Variants in PLXNB2 observed in about 807,000 individuals in gnomAD.
PLXNB2 encodes plexin-B2.
A neutral mutation model predicts 202.6 loss-of-function variants in PLXNB2; 85 were observed. The observed-to-expected ratio is 0.42, with a 90% CI of 0.35 to 0.50. The LOEUF is 0.50. Among genes scored for constraint, PLXNB2 ranks in the 20% least tolerant of loss-of-function variants. PLXNB2 has a pLI of 0.02. For synonymous variants in PLXNB2, 1,239 were observed against 1,137.6 expected (o/e 1.09, Z -1.79); for missense variants, 2,063 against 2,586.2 (o/e 0.80, Z 4.39).
At position 50,288,527 on chromosome 22, in the gene PLXNB2, A is replaced by G. The variant is rs1003919220; in HGVS notation, c.1380+216T>C. ...ACATGGTTGAGACCACAAAGGACAA[A>G]CAGAAGGAGCGGCAGAGACGGGGCA... On this transcript the variant is annotated intron_variant, in intron 5 of 36. Transcript: ENST00000359337. This position sits in a 1 kb window ranked among gnomAD's most constrained non-coding sequence, Gnocchi z 5.0. Among the ~76,000 whole-genome samples, 2 of 151,966 alleles carry G rather than the reference A, an allele frequency of 1.3e-5. No individual in the cohort carries two copies. Among genetic ancestry groups the G allele is most frequent in the African/African-American group, 4.8e-5 (2 of 41,378 alleles).
At position 50,283,287 on chromosome 22, in the gene PLXNB2, C is replaced by CTCCTCCCGG. The variant is rs768448890; in HGVS notation, c.2679+41_2679+49dup. On this transcript the variant is annotated intron_variant, in intron 16 of 36. Transcript: ENST00000359337. ...CGTGGGGAGGCGGCGGGCAGAGCCC[C>CTCCTCCCGG]TCCTCCCGGTCCTCCCGGGTTCGGC... is the stretch of plus-strand genomic sequence containing the variant. 17 of 1,607,850 alleles carry CTCCTCCCGG rather than the reference C, an allele frequency of 1.1e-5. No individual in the cohort carries two copies. The Admixed American group carries it at 2.7e-4, about 25-fold the overall frequency.
intron 7 of PLXNB2, 130 bp from the exon 8 acceptor site, chr22:50,287,394 CCAATA>C: frequency 1.9e-6 from 2 of 1,044,246 alleles, no homozygotes. Context: ...TCCACGTCTT[CCAATA>C]CAGGCCTCTC....
rs1022788349 is a variant in PLXNB2 at position 50,276,095 on chromosome 22, G to A, written c.5338-132C>T. On this transcript the variant is annotated intron_variant, in intron 35 of 36. Coordinates refer to ENST00000359337, the MANE Select transcript of PLXNB2 (RefSeq NM_012401.4). ...GGGGCCTTGGGCACAGCTGGCACTT[G>A]GGGCCCCCCATGTGGCACAGCCTCA... The A allele has an allele frequency of 9.0e-6, 7 of 777,118 alleles. No homozygotes were observed. The African/African-American group carries it at 1.2e-4, about 13-fold the overall frequency. 48.1% of individuals were successfully genotyped at this position (777,118 alleles called of 1,614,324 possible).
At position 50,278,865 on chromosome 22, in the gene PLXNB2, G is replaced by C. The variant is rs770930229; in HGVS notation, c.4536C>G (p.Ser1512Arg). Reference protein sequence around the residue: ...QPCSCWPRPDSVVLEWRPGST... With the variant: ...QPCSCWPRPDRVVLEWRPGST... ...GGGGCCGGCACTCACCCAGGACCACGCTGTCTGGCCTGGGCCAGCAGGAGC... is the reference window on the plus strand; with the variant it reads ...GGGGCCGGCACTCACCCAGGACCACCCTGTCTGGCCTGGGCCAGCAGGAGC... Residue 1512 changes from serine (S) to arginine (R), a missense_variant, in exon 28 of 37, where the codon AGC becomes AGG. This residue lies in a region of PLXNB2 where 760 missense variants were observed against 1,109.4 expected (regional missense o/e 0.69). Transcript: ENST00000359337. The C allele has an allele frequency of 6.2e-7, 1 of 1,611,412 alleles. No individual in the cohort carries two copies. The highest frequency in any genetic ancestry group is 8.5e-7 in the Non-Finnish European group (1 of 1,178,650).
At chr22:50,304,969 G>A (rs994126960) in intron 1 of PLXNB2, among the ~76,000 whole-genome samples, 3 of 152,182 alleles carry the variant, frequency 2.0e-5, no homozygotes, top group South Asian at 2.1e-4. Flanking sequence ...CAAGGAGGGC[G>A]GCCAGGCTGC....
In PLXNB2 at chr22:50,282,275, C is replaced by T. The variant is rs2066050764; in HGVS notation, c.3026G>A (p.Ser1009Asn). ...CACCATGGCAAACCTCTGGATCAGG[C>T]TGAAGCCCTGACCCGTGACGTTGAT... Reference protein sequence around the residue: ...RSINVTGQGFSLIQRFAMVVI... With the variant: ...RSINVTGQGFNLIQRFAMVVI... Residue 1009 changes from serine (S) to asparagine (N), a missense_variant, in exon 19 of 37, where the codon AGC (serine) becomes AAC (asparagine). Physicochemically the swap from Ser to Asn is conservative, Grantham distance 46. This residue lies in a region of PLXNB2 where 1,303 missense variants were observed against 1,476.8 expected (regional missense o/e 0.88). Transcript: ENST00000359337. 1 of 1,612,192 alleles carries T rather than the reference C, an allele frequency of 6.2e-7. No homozygotes were observed. The highest frequency in any genetic ancestry group is 1.1e-5 in the South Asian group (1 of 91,058).
Position 50,284,121 on chromosome 22 carries a change from G to T in PLXNB2, c.2263+11C>A. The T allele has an allele frequency of 1.2e-6, 1 of 822,654 alleles. No homozygotes were observed. Among genetic ancestry groups the T allele is most frequent in the Admixed American group, 2.2e-5 (1 of 46,218 alleles). The allele number at this position is 822,654 out of a possible 1,614,324, so 51.0% of individuals were successfully genotyped here. A position where few individuals can be genotyped will look rare whatever the true frequency, so the allele number is the denominator to read the frequency against. ...CCCCTGCCCGCCCCCCACTGCGCCC[G>T]TGGCCCCCACCATGGAGCTTGCTGT... On this transcript the variant is annotated intron_variant, in intron 13 of 36. Transcript: ENST00000359337. The surrounding 1 kb of genome is among the most constrained non-coding windows in gnomAD (Gnocchi z 8.0).
chr22:50,296,213 C>T (rs2067252760), intron 1 of PLXNB2, among the ~76,000 whole-genome samples: 1 of 148,390 alleles, frequency 6.7e-6, no homozygotes, highest in African/African-American at 2.6e-5. Context: ...CACACACACA[C>T]ACACACACAC....
Position 50,290,602 on chromosome 22 carries a change from G to T in PLXNB2, c.-13-5C>A. On this transcript the variant is annotated splice_polypyrimidine_tract_variant and splice_region_variant and intron_variant, in intron 2 of 36. Transcript: ENST00000359337. ...AGTGCCATTGCCCCCCGCACCCTGT[G>T]GGAAGAGAGAAGGGTCAGGGGAGCC... 1 of 1,581,926 alleles carries T rather than the reference G, an allele frequency of 6.3e-7. No individual in the cohort carries two copies. The highest frequency in any genetic ancestry group is 8.6e-7 in the Non-Finnish European group (1 of 1,166,070).
intron 2 of PLXNB2, among the ~76,000 whole-genome samples, chr22:50,293,822 G>A (rs897073930): frequency 3.3e-5 from 5 of 152,306 alleles, no homozygotes; most frequent in Middle Eastern, 3.4e-3. Context: ...TAGGGGCCCC[G>A]GTACAGGAAG....
Position 50,284,989 on chromosome 22 carries a change from A to C in PLXNB2, c.2089-324T>G. On this transcript the variant is annotated intron_variant, in intron 11 of 36. Coordinates refer to ENST00000359337, the MANE Select transcript of PLXNB2 (RefSeq NM_012401.4). This position sits in a 1 kb window ranked among gnomAD's most constrained non-coding sequence, Gnocchi z 8.0. ...CTCAGGAGGTGGCACTGGCCCCTCA[A>C]TCTCCACACGCCTGCCTCCTCCACT... The C allele has an allele frequency of 2.1e-6, 1 of 476,032 alleles. No individual in the cohort carries two copies. The allele number at this position is 476,032 out of a possible 1,614,324, so 29.5% of individuals were successfully genotyped here. A position where few individuals can be genotyped will look rare whatever the true frequency, so the allele number is the denominator to read the frequency against.
chr22:50,283,875 C>G lies in PLXNB2; in HGVS notation c.2379G>C (p.Leu793=). 1 of 1,607,240 alleles carries G rather than the reference C, an allele frequency of 6.2e-7. No individual in the cohort carries two copies. The change falls in exon 14 of 37, where the codon CTG becomes CTC. Residue 793 remains leucine (L), a synonymous_variant. Coordinates refer to ENST00000359337, the MANE Select transcript of PLXNB2 (RefSeq NM_012401.4). ...GGQSRCVYEA[L]CNTTSECPPP... ...GCGGGCACTCGGAGGTGGTGTTGCA[C>G]AGGGCCTCATACACGCACCTGCTCT...
rs371333510 is a variant in PLXNB2 at position 50,276,618 on chromosome 22, G to C, written c.5337+11C>G. ...GGAGGGCTGTGGGTGCGTCCCTGGT[G>C]GTCTCCTTACCCGGGAAATCTCTGC... On this transcript the variant is annotated intron_variant, in intron 35 of 36. Transcript: ENST00000359337. The C allele has an allele frequency of 4.2e-4, 674 of 1,607,658 alleles. 5 individuals carry two copies. The South Asian group carries it at 4.4e-3, about 10-fold the overall frequency.
chr22:50,283,037 C>T lies in PLXNB2; in HGVS notation c.2816+13G>A, dbSNP rs564631624. ...AGGGCCAACCAGACTCAGCAGCTGG[C>T]GGTGACACCCACACTTTACACGGGA... On this transcript the variant is annotated intron_variant, in intron 17 of 36. Coordinates refer to ENST00000359337, the MANE Select transcript of PLXNB2 (RefSeq NM_012401.4). 2.4e-5 allele frequency: 39 copies of T among 1,600,462 alleles called. No homozygotes were observed. The highest frequency in any genetic ancestry group is 5.6e-5 in the South Asian group (5 of 88,848).
Position 50,275,631 on chromosome 22 carries a change from T to G in PLXNB2, c.*73A>C. 9.1e-7 allele frequency: 1 copy of G among 1,093,640 alleles called. No homozygotes were observed. Among genetic ancestry groups the G allele is most frequent in the South Asian group, 1.5e-5 (1 of 67,008 alleles). The allele number at this position is 1,093,640 out of a possible 1,614,324, so 67.7% of individuals were successfully genotyped here. A position where few individuals can be genotyped will look rare whatever the true frequency, so the allele number is the denominator to read the frequency against. ...GGGTGGGGGCCTCAGCCACAGCCAC[T>G]CGGCCTCCTCCCCTGAGGGGCTCTC... On this transcript the variant is annotated 3_prime_UTR_variant, in exon 37 of 37. Transcript: ENST00000359337.
Position 50,278,275 on chromosome 22 carries a change from TG to T in PLXNB2, c.4733-5del, listed in dbSNP as rs2065752399. On this transcript the variant is annotated splice_region_variant and splice_polypyrimidine_tract_variant and intron_variant, in intron 30 of 36. Coordinates refer to ENST00000359337, the MANE Select transcript of PLXNB2 (RefSeq NM_012401.4). The stretch of plus-strand genomic sequence containing the variant: ...TCCTCCTCCAGGAGGGCATGGCCTG[TG>T]GGGAGCGGGCACTGAGGGACCCCTA... 1 of 1,610,550 alleles carries T rather than the reference TG, an allele frequency of 6.2e-7. No homozygotes were observed. Among genetic ancestry groups the T allele is most frequent in the Non-Finnish European group, 8.5e-7 (1 of 1,179,736 alleles).
At chr22:50,295,348 C>T (rs982215121) in intron 1 of PLXNB2, among the ~76,000 whole-genome samples, 2 of 151,460 alleles carry the variant, frequency 1.3e-5, no homozygotes, top group African/African-American at 2.4e-5. Flanking sequence ...GAAAAATACG[C>T]ACACCCATGA....
Position 50,287,704 on chromosome 22 carries a change from G to A in PLXNB2, c.1571C>T (p.Ala524Val). 6.4e-7 allele frequency: 1 copy of A among 1,559,608 alleles called. No homozygotes were observed. The highest frequency in any genetic ancestry group is 8.6e-7 in the Non-Finnish European group (1 of 1,157,122). ...CCGCCGGCTCATGTTCTGTGGCTGGGCGCTGGTGACGGCCACGCAGGACTT... is the reference window on the plus strand; with the variant it reads ...CCGCCGGCTCATGTTCTGTGGCTGGACGCTGGTGACGGCCACGCAGGACTT... The part of the protein sequence containing the change: ...RSKSCVAVTS[A>V]QPQNMSRRAQ... The change falls in exon 7 of 37, where the codon GCC becomes GTC. Residue 524 changes from alanine (A) to valine (V), a missense_variant. By Grantham distance (64) the Ala-to-Val change is moderately conservative. Around this residue, in one of 2 missense-constraint regions of PLXNB2, gnomAD observed 1,303 missense variants for 1,476.8 expected, o/e 0.88. Transcript: ENST00000359337.
rs2066880776 is a variant in PLXNB2, at chr22:50,291,698, C to A, written c.-13-1101G>T. On this transcript the variant is annotated intron_variant, in intron 2 of 36. Coordinates refer to ENST00000359337, the MANE Select transcript of PLXNB2 (RefSeq NM_012401.4). This position sits in a 1 kb window ranked among gnomAD's most constrained non-coding sequence, Gnocchi z 4.3. ...TGGTCCGTCCCTCTCACGCTAGGGA[C>A]CCTGCTCCATCCTGGCCAGTGATCC... is the stretch of plus-strand genomic sequence containing the variant. 6.6e-6 allele frequency among the ~76,000 whole-genome samples: 1 copy of A among 152,100 alleles called. No homozygotes were observed. The highest frequency in any genetic ancestry group is 6.5e-5 in the Admixed American group (1 of 15,268).
Sources: allele counts gnomAD v4.1 joint callset (sites outside exome capture counted in the v4.1 genomes callset), GRCh38; gene constraint gnomAD v4.1.1; regional missense constraint gnomAD v4.1.1; non-coding constraint Gnocchi (gnomAD v3.1); transcripts MANE v1.5; gene names NCBI Gene and HGNC (gene_info 2026-07-23, HGNC 2026-07-21).